Variants in ROBO2 observed in about 807,000 individuals in gnomAD.
The protein encoded by ROBO2 is roundabout homolog 2.
Under a neutral mutation model 160.8 loss-of-function variants are expected in ROBO2, and 53 were observed. That is an observed-to-expected ratio of 0.33 (90% CI 0.26 to 0.41). The LOEUF (loss-of-function observed/expected upper bound fraction) is 0.41. Among genes scored for constraint, ROBO2 ranks in the 10% least tolerant of loss-of-function variants. The pLI is 1.00. For missense variants in ROBO2, 1,577 were observed against 1,722.4 expected (o/e 0.92, Z 1.49); for synonymous variants, 664 against 611.7 (o/e 1.09, Z -1.26).
intron 2 of ROBO2, among the ~76,000 whole-genome samples, chr3:76,855,426 C>T (rs915168568): frequency 3.3e-5 from 5 of 152,072 alleles, no homozygotes; most frequent in Non-Finnish European, 5.9e-5. Context: ...GAGAGGGTGC[C>T]GCTAATGGAT....
chr3:77,462,349 C>T (rs2082331460), intron 2 of ROBO2, among the ~76,000 whole-genome samples: 1 of 152,116 alleles, frequency 6.6e-6, no homozygotes, highest in South Asian at 2.1e-4. Context: ...AAAGAAATGT[C>T]CTTCTCAATA....
chr3:76,948,915 T>A (rs1420624568), intron 2 of ROBO2, among the ~76,000 whole-genome samples: 46 of 85,522 alleles, frequency 5.4e-4, no homozygotes, highest in Non-Finnish European at 6.8e-4. Context: ...TATATTTTTT[T>A]TTTTTTTTTT....
chr3:76,940,603 T>C (rs894216069), intron 2 of ROBO2, among the ~76,000 whole-genome samples: 1 of 152,206 alleles, frequency 6.6e-6, no homozygotes, highest in Non-Finnish European at 1.5e-5. Context: ...ACAATAGGCA[T>C]CCATCGGCAG....
intron 2 of ROBO2, among the ~76,000 whole-genome samples, chr3:76,828,457 C>G (rs1016508482): frequency 5.3e-5 from 8 of 152,078 alleles, no homozygotes; most frequent in African/African-American, 1.9e-4. Context: ...ACTCTTAGCA[C>G]AAACTTAATG....
Position 77,018,135 on chromosome 3 carries a change from C to T in ROBO2, c.110-79879C>T, listed in dbSNP as rs563228661. Among the ~76,000 whole-genome samples, 3 of 152,314 alleles carry T rather than the reference C, an allele frequency of 2.0e-5. No homozygotes were observed. The South Asian group carries it at 6.2e-4, about 32-fold the overall frequency. On this transcript the variant is annotated intron_variant, in intron 2 of 26. Transcript: ENST00000487694. ...TATATACATTTGAGACAGGATCTCA[C>T]TCTGTCGCCCAGGCTGGAGTGCAGT...
At chr3:76,217,190 A>G (rs1703602049) in intron 2 of ROBO2, among the ~76,000 whole-genome samples, 1 of 152,208 alleles carries the variant, frequency 6.6e-6, no homozygotes, top group African/African-American at 2.4e-5. Context: ...TTGTAGCACT[A>G]AATGTCCACA....
At chr3:76,837,568 C>T (rs1196330223) in intron 2 of ROBO2, among the ~76,000 whole-genome samples, 1 of 150,222 alleles carries the variant, frequency 6.7e-6, no homozygotes, top group Non-Finnish European at 1.5e-5. Context: ...GTGCAATTAG[C>T]TCACATATAA....
At chr3:77,264,248 A>G (rs2153342662) in intron 2 of ROBO2, among the ~76,000 whole-genome samples, 1 of 152,364 alleles carries the variant, frequency 6.6e-6, no homozygotes, top group Non-Finnish European at 1.5e-5. Flanking sequence ...GAGATTGTTC[A>G]TAAATCTTGA....
At chr3:76,405,667 G>T (rs1292076170) in intron 2 of ROBO2, among the ~76,000 whole-genome samples, 3 of 151,598 alleles carry the variant, frequency 2.0e-5, no homozygotes, top group Non-Finnish European at 3.0e-5. Context: ...GGAGAGCATA[G>T]GTTTCTTGGC....
intron 1 of ROBO2, among the ~76,000 whole-genome samples, chr3:77,096,731 T>A (rs926702201): frequency 3.3e-5 from 5 of 152,158 alleles, no homozygotes; most frequent in Admixed American, 6.6e-5. Context: ...ATTACAGGTG[T>A]GAGCCACCGT....
chr3:77,021,232 C>T (rs1214886574), intron 2 of ROBO2, among the ~76,000 whole-genome samples: 4 of 151,866 alleles, frequency 2.6e-5, no homozygotes, highest in Admixed American at 6.6e-5. Flanking sequence ...AAAGAATACC[C>T]CAAAGTATGG....
chr3:76,328,800 A>G (rs1243055131), intron 2 of ROBO2, among the ~76,000 whole-genome samples: 2 of 151,776 alleles, frequency 1.3e-5, no homozygotes, highest in Non-Finnish European at 2.9e-5. Context: ...CGGACCTTGC[A>G]GTGAGCCGAG....
intron 2 of ROBO2, among the ~76,000 whole-genome samples, chr3:77,190,516 C>T (rs906922038): frequency 1.3e-5 from 2 of 151,912 alleles, no homozygotes; most frequent in Non-Finnish European, 2.9e-5. Context: ...TCTTTTCAGA[C>T]AAAACCTGTA....
At chr3:77,371,517 C>T (rs1195834355) in intron 2 of ROBO2, among the ~76,000 whole-genome samples, 1 of 152,124 alleles carries the variant, frequency 6.6e-6, no homozygotes, top group Non-Finnish European at 1.5e-5. Context: ...CATACAAGGG[C>T]TATTTTAGAA....
chr3:76,134,966 A>T (rs1001862956), intron 2 of ROBO2, among the ~76,000 whole-genome samples: 1 of 152,122 alleles, frequency 6.6e-6, no homozygotes, highest in Non-Finnish European at 1.5e-5. Context: ...TGACCATATA[A>T]TGATTTTCAG....
chr3:76,194,356 A>G (rs1378409051), intron 2 of ROBO2, among the ~76,000 whole-genome samples: 38 of 84,734 alleles, frequency 4.5e-4, no homozygotes, highest in African/African-American at 1.4e-3. Flanking sequence ...GTGTGTAAAT[A>G]TATATATATA....
At chr3:77,112,487 G>A (rs972556909) in intron 2 of ROBO2, among the ~76,000 whole-genome samples, 1 of 151,846 alleles carries the variant, frequency 6.6e-6, no homozygotes, top group Admixed American at 6.6e-5. Flanking sequence ...GGGCTGATGC[G>A]CCCGCCTCGG....
At chr3:77,384,694 G>A (rs1277191734) in intron 2 of ROBO2, among the ~76,000 whole-genome samples, 2 of 152,170 alleles carry the variant, frequency 1.3e-5, no homozygotes, top group Non-Finnish European at 2.9e-5. Flanking sequence ...TTAATGAGCA[G>A]ATATAGACCT....
At chr3:76,843,254 T>A (rs2068461888) in intron 2 of ROBO2, among the ~76,000 whole-genome samples, 1 of 150,506 alleles carries the variant, frequency 6.6e-6, no homozygotes, top group Non-Finnish European at 1.5e-5. Context: ...TGTAATATCA[T>A]AAATCATATG....
Sources: gnomAD v4.1 joint callset for allele counts (sites outside exome capture counted in the v4.1 genomes callset) on GRCh38, gnomAD v4.1.1 for gene constraint, MANE v1.5 for transcripts, NCBI Gene and HGNC (gene_info 2026-07-23, HGNC 2026-07-21) for gene names.